The following NEDD4 variants were observed in gnomAD, a reference collection of about 807,000 sequenced individuals.
The protein encoded by NEDD4 is NEDD4 E3 ubiquitin protein ligase, also known as E3 ubiquitin-protein ligase NEDD4.
NEDD4 carries 99 observed loss-of-function variants against 144.9 expected under a neutral mutation model. The ratio of observed to expected loss-of-function variants is 0.68; its 90% confidence interval spans 0.58 to 0.81. The LOEUF is 0.81. NEDD4 is among the 30% of genes least tolerant of loss of function. The pLI is 0.00. For synonymous variants in NEDD4, 318 were observed against 350.6 expected (o/e 0.91, Z 1.04); for missense variants, 985 against 1,065.9 (o/e 0.92, Z 1.06).
At chr15:55,869,325 T>C (rs1437672163) in intron 8 of NEDD4, among the ~76,000 whole-genome samples, 2 of 152,222 alleles carry the variant, frequency 1.3e-5, no homozygotes, top group Non-Finnish European at 2.9e-5. Context: ...TATACAGTTT[T>C]AGAAAACTTT....
chr15:55,938,204 C>A (rs777743830), intron 4 of NEDD4, among the ~76,000 whole-genome samples: 6 of 152,040 alleles, frequency 3.9e-5, no homozygotes, highest in Admixed American at 2.6e-4. Context: ...ACTAAAAATA[C>A]AAAAATTAGC....
chr15:55,916,019 C>T (rs141692030), intron 5 of NEDD4: 1 of 1,613,620 alleles, frequency 6.2e-7, no homozygotes, highest in African/African-American at 1.3e-5. Context: ...TTGAAGGACT[C>T]CTAGGAAAAA....
At chr15:55,899,769 T>C (rs1423570206) in intron 5 of NEDD4, among the ~76,000 whole-genome samples, 3 of 152,214 alleles carry the variant, frequency 2.0e-5, no homozygotes, top group Non-Finnish European at 4.4e-5. Flanking sequence ...TCTGTACTAC[T>C]GCTGTCCAAT....
At chr15:55,987,983 A>C (rs2037921486) in intron 1 of NEDD4, 1 of 150,484 alleles carries the variant, frequency 6.6e-6, no homozygotes, top group Non-Finnish European at 1.5e-5. Flanking sequence ...TATGAACTTT[A>C]AAGTAGTTTT....
chr15:55,914,308 A>G (rs1232750903), intron 5 of NEDD4, among the ~76,000 whole-genome samples: 1 of 151,640 alleles, frequency 6.6e-6, no homozygotes, highest in Admixed American at 6.6e-5. Context: ...AAATTGCTTT[A>G]GTTAGAAAAT....
chr15:55,868,392 C>T (rs541587761), intron 8 of NEDD4, among the ~76,000 whole-genome samples: 1 of 152,288 alleles, frequency 6.6e-6, no homozygotes, highest in East Asian at 1.9e-4. Context: ...TTGGCTGTGT[C>T]CCCACTCAAA....
chr15:55,880,334 T>A (rs1204370402), intron 5 of NEDD4, among the ~76,000 whole-genome samples: 1 of 151,590 alleles, frequency 6.6e-6, no homozygotes, highest in East Asian at 1.9e-4. Flanking sequence ...TTAGGCAAAG[T>A]GCATGAAAGG....
intron 19 of NEDD4, among the ~76,000 whole-genome samples, chr15:55,841,050 C>T (rs1404454224): frequency 6.6e-6 from 1 of 152,156 alleles, no homozygotes; most frequent in African/African-American, 2.4e-5. Flanking sequence ...TCTCCTGTCT[C>T]AGCCTCCCAA....
intron 1 of NEDD4, among the ~76,000 whole-genome samples, chr15:55,982,680 C>A (rs2037823380): frequency 6.6e-6 from 1 of 152,168 alleles, no homozygotes; most frequent in Non-Finnish European, 1.5e-5. Context: ...TGTTGAAAAT[C>A]ATCAAATTAT....
intron 5 of NEDD4, among the ~76,000 whole-genome samples, chr15:55,920,853 C>A (rs2036555279): frequency 1.3e-5 from 2 of 150,400 alleles, no homozygotes; most frequent in African/African-American, 2.4e-5. Context: ...CCTCCCTTAC[C>A]TGCTAAGACT....
At chr15:55,969,025 A>G (rs7164457) in intron 1 of NEDD4, among the ~76,000 whole-genome samples, 2,838 of 152,316 alleles carry the variant, frequency 0.019, 96 homozygotes, top group African/African-American at 0.066. Flanking sequence ...GGAAAGAGGC[A>G]CTGAAGAGGG....
At chr15:55,976,106 T>C (rs1286715828) in intron 1 of NEDD4, among the ~76,000 whole-genome samples, 1 of 152,174 alleles carries the variant, frequency 6.6e-6, no homozygotes, top group African/African-American at 2.4e-5. Context: ...GACCCCTATC[T>C]CTTGTCATAT....
At chr15:55,959,484 C>T (rs1056077369) in intron 2 of NEDD4, among the ~76,000 whole-genome samples, 4 of 152,282 alleles carry the variant, frequency 2.6e-5, no homozygotes, top group Non-Finnish European at 5.9e-5. Context: ...TTTCAAGGCC[C>T]GGAATATTGT....
intron 5 of NEDD4, among the ~76,000 whole-genome samples, chr15:55,895,666 T>C (rs1291943562): frequency 6.6e-6 from 1 of 152,194 alleles, no homozygotes; most frequent in Non-Finnish European, 1.5e-5. Context: ...TCTGGTATAA[T>C]GTGTGAGAAT....
chr15:55,849,513 T>C (rs1192542794), intron 14 of NEDD4, among the ~76,000 whole-genome samples: 1 of 152,046 alleles, frequency 6.6e-6, no homozygotes, highest in East Asian at 1.9e-4. Flanking sequence ...TGCCTGGCCC[T>C]GGACCACATG....
chr15:55,952,546 T>G (rs1002456569), intron 2 of NEDD4: 1 of 152,076 alleles, frequency 6.6e-6, no homozygotes, highest in Admixed American at 6.6e-5. Context: ...ATCCAAACTA[T>G]CCTTCCCCCA....
chr15:55,885,354 T>C (rs542008940), intron 5 of NEDD4, among the ~76,000 whole-genome samples: 8 of 152,290 alleles, frequency 5.3e-5, no homozygotes, highest in African/African-American at 1.9e-4. Flanking sequence ...GGAAATTATC[T>C]GAAGGTACAA....
chr15:55,937,298 C>T (rs185353916), intron 4 of NEDD4, among the ~76,000 whole-genome samples: 145 of 152,088 alleles, frequency 9.5e-4, no homozygotes, highest in Middle Eastern at 3.4e-3. Context: ...ATTTTTATGG[C>T]GAATACATTC....
At chr15:55,916,262 A>C in intron 5 of NEDD4, 4 of 1,614,020 alleles carry the variant, frequency 2.5e-6, no homozygotes, top group Non-Finnish European at 3.4e-6. Flanking sequence ...AAGTATAACT[A>C]CTACTGTCAC....
Sources: gnomAD v4.1 joint callset for allele counts (sites outside exome capture counted in the v4.1 genomes callset) on GRCh38, gnomAD v4.1.1 for gene constraint, MANE v1.5 for transcripts, NCBI Gene and HGNC (gene_info 2026-07-23, HGNC 2026-07-21) for gene names.